Variants in ATP6V1H observed in about 807,000 individuals in gnomAD.
The protein encoded by ATP6V1H is V-type proton ATPase subunit H.
ATP6V1H carries 39 observed loss-of-function variants against 71.7 expected under a neutral mutation model. That is an observed-to-expected ratio of 0.54 (90% CI 0.42 to 0.71). The LOEUF (loss-of-function observed/expected upper bound fraction) is 0.71, where lower values mean the gene tolerates loss of function less well. ATP6V1H is among the 30% of genes least tolerant of loss of function. The pLI is 0.00. For missense variants in ATP6V1H, 509 were observed against 594.9 expected, an observed-to-expected ratio of 0.86 and a Z score of 1.50; for synonymous variants, 192 against 199.3, an observed-to-expected ratio of 0.96 and a Z score of 0.31.
At chr8:53,813,186 T>C (rs1469132536) in intron 6 of ATP6V1H, among the ~76,000 whole-genome samples, 1 of 152,194 alleles carries the variant, frequency 6.6e-6, no homozygotes, top group Non-Finnish European at 1.5e-5. Flanking sequence ...CTCAATAAAA[T>C]GGTGGCTCTT....
intron 12 of ATP6V1H, among the ~76,000 whole-genome samples, chr8:53,755,703 TA>T (rs1807999289): frequency 5.6e-4 from 2 of 3,546 alleles, no homozygotes; most frequent in African/African-American, 9.4e-4. Context: ...TATATATATA[TA>T]TATATATATA....
chr8:53,782,866 C>T (rs1243199057), intron 9 of ATP6V1H, among the ~76,000 whole-genome samples: 1 of 151,912 alleles, frequency 6.6e-6, no homozygotes, highest in African/African-American at 2.4e-5. Flanking sequence ...GTATGTTGAA[C>T]CAGCCTTGCA....
intron 8 of ATP6V1H, among the ~76,000 whole-genome samples, chr8:53,798,143 A>C (rs1020116793): frequency 2.6e-5 from 4 of 152,142 alleles, no homozygotes; most frequent in African/African-American, 9.6e-5. Flanking sequence ...ACAAATAAAC[A>C]GTGTTGTATT....
intron 9 of ATP6V1H, among the ~76,000 whole-genome samples, chr8:53,788,311 C>T (rs1046097733): frequency 3.9e-5 from 6 of 151,986 alleles, no homozygotes; most frequent in Admixed American, 3.3e-4. Flanking sequence ...ACAATAGAAG[C>T]CCATAAATTA....
At chr8:53,755,720 ATATATATATATATATATATATATATTTTT>A (rs1808016144) in intron 12 of ATP6V1H, among the ~76,000 whole-genome samples, 3 of 5,432 alleles carry the variant, frequency 5.5e-4, no homozygotes, top group African/African-American at 2.1e-3. Flanking sequence ...ATATATATAT[ATATATATATATATATATATATATATTTTT>A]TTTTTTTTTT....
At chr8:53,814,602 G>A in intron 6 of ATP6V1H, 60 bp downstream of exon 6, 2 of 940,404 alleles carry the variant, frequency 2.1e-6, no homozygotes, top group South Asian at 3.1e-5. Context: ...ACTATAAATA[G>A]CTTAAAAGAA....
chr8:53,736,703 G>T (rs1005169109), intron 13 of ATP6V1H, among the ~76,000 whole-genome samples: 4 of 152,152 alleles, frequency 2.6e-5, no homozygotes, highest in African/African-American at 9.7e-5. Context: ...CATCTGTCTT[G>T]CAGGAAGACC....
chr8:53,752,484 T>C (rs1387105585), intron 12 of ATP6V1H, among the ~76,000 whole-genome samples: 2 of 152,228 alleles, frequency 1.3e-5, no homozygotes, highest in African/African-American at 2.4e-5. Flanking sequence ...CAAATGATAA[T>C]AGTAAGTTAG....
chr8:53,811,330 T>C (rs1563477516), intron 6 of ATP6V1H, 113 bp from the exon 7 acceptor site: 1 of 805,700 alleles, frequency 1.2e-6, no homozygotes, highest in East Asian at 2.7e-5. Flanking sequence ...TAATAATTTT[T>C]CCCCTATAAT....
chr8:53,768,039 T>C (rs557550253), intron 11 of ATP6V1H, among the ~76,000 whole-genome samples: 3 of 152,196 alleles, frequency 2.0e-5, no homozygotes, highest in South Asian at 2.1e-4. Context: ...ATCACATATA[T>C]GATCTTGGAC....
chr8:53,747,087 T>C (rs1364852534), intron 12 of ATP6V1H, among the ~76,000 whole-genome samples: 1 of 152,224 alleles, frequency 6.6e-6, no homozygotes, highest in Non-Finnish European at 1.5e-5. Context: ...CATACAGAAC[T>C]ATTTTTGTTT....
chr8:53,833,358 C>T (rs1175693669), intron 2 of ATP6V1H, among the ~76,000 whole-genome samples: 1 of 152,142 alleles, frequency 6.6e-6, no homozygotes, highest in African/African-American at 2.4e-5. Context: ...ATTAAATTCA[C>T]ATAAGGTGGT....
At chr8:53,747,638 C>G (rs1211484884) in intron 12 of ATP6V1H, among the ~76,000 whole-genome samples, 1 of 151,492 alleles carries the variant, frequency 6.6e-6, no homozygotes, top group Non-Finnish European at 1.5e-5. Context: ...CTCCTGGGTT[C>G]AAGCAATTCT....
intron 7 of ATP6V1H, among the ~76,000 whole-genome samples, chr8:53,808,586 A>G (rs960080888): frequency 6.6e-6 from 1 of 152,144 alleles, no homozygotes; most frequent in African/African-American, 2.4e-5. Context: ...TGGACAACAT[A>G]GCGAGACCTT....
At chr8:53,738,236 G>A (rs554060943) in intron 13 of ATP6V1H, among the ~76,000 whole-genome samples, 23 of 150,942 alleles carry the variant, frequency 1.5e-4, no homozygotes, top group Non-Finnish European at 2.5e-4. Flanking sequence ...GGTGGAGGTT[G>A]CAGTGAGCCA....
intron 9 of ATP6V1H, among the ~76,000 whole-genome samples, chr8:53,781,055 C>A (rs967900546): frequency 7.9e-5 from 12 of 152,280 alleles, no homozygotes; most frequent in Non-Finnish European, 1.5e-4. Flanking sequence ...GGTATATACC[C>A]AGTAATGGGA....
chr8:53,764,190 T>A (rs1163714878), intron 11 of ATP6V1H, among the ~76,000 whole-genome samples: 1 of 152,098 alleles, frequency 6.6e-6, no homozygotes, highest in African/African-American at 2.4e-5. Flanking sequence ...AGACCAACAT[T>A]ACCATAATCC....
At chr8:53,783,747 G>T (rs545080161) in intron 9 of ATP6V1H, among the ~76,000 whole-genome samples, 1 of 152,098 alleles carries the variant, frequency 6.6e-6, no homozygotes, top group Non-Finnish European at 1.5e-5. Flanking sequence ...TTGTGTCTTT[G>T]TTCTCATTGG....
intron 7 of ATP6V1H, 108 bp from the exon 8 acceptor site, chr8:53,802,004 G>C: frequency 1.1e-6 from 1 of 920,892 alleles, no homozygotes; most frequent in Middle Eastern, 2.2e-4. Context: ...ATTACCATCT[G>C]AGCATCCAAA....
Sources: gnomAD v4.1 joint callset for allele counts (sites outside exome capture counted in the v4.1 genomes callset) on GRCh38, gnomAD v4.1.1 for gene constraint, MANE v1.5 for transcripts, NCBI Gene and HGNC (gene_info 2026-07-23, HGNC 2026-07-21) for gene names.